PCDH11X: variants seen among roughly 807,000 people sequenced by gnomAD.
PCDH11X encodes the protein protocadherin 11 X-linked.
In PCDH11X, 18 loss-of-function variants were observed where a neutral mutation model predicts 53.3. The ratio of observed to expected loss-of-function variants is 0.34; its 90% CI spans 0.23 to 0.50. The LOEUF is 0.50. Ranked by LOEUF, PCDH11X falls within the 20% of genes least tolerant of loss-of-function variation. PCDH11X has a pLI of 0.98. For synonymous variants in PCDH11X, 279 were observed against 393.3 expected (o/e 0.71, Z 3.44); for missense variants, 570 against 1,032.4 (o/e 0.55, Z 6.14).
chrX:91,968,667 G>A (rs917719070), intron 6 of PCDH11X, among the ~76,000 whole-genome samples: 24 of 111,719 alleles, frequency 2.1e-4, no homozygotes, highest in Admixed American at 5.7e-4. Flanking sequence ...ATGACCTGAT[G>A]ACATGAAAAG....
chrX:92,522,150 A>G (rs2074379965), intron 10 of PCDH11X, among the ~76,000 whole-genome samples: 1 of 112,110 alleles, frequency 8.9e-6, no homozygotes, highest in Non-Finnish European at 1.9e-5. Context: ...CTTTTGGCTT[A>G]TCTTGGCTTT....
intron 6 of PCDH11X, among the ~76,000 whole-genome samples, chrX:91,898,186 A>G (rs1177049268): frequency 1.8e-5 from 2 of 109,559 alleles, no homozygotes; most frequent in Non-Finnish European, 3.8e-5. Flanking sequence ...AACTCATCTA[A>G]TCTTCTTATA....
intron 8 of PCDH11X, among the ~76,000 whole-genome samples, chrX:92,271,636 T>A (rs1188465750): frequency 8.9e-6 from 1 of 112,059 alleles, no homozygotes; most frequent in Non-Finnish European, 1.9e-5. Flanking sequence ...CTGTCATAGA[T>A]GAAGTGTGAA....
At chrX:92,093,946 T>C (rs761405287) in intron 6 of PCDH11X, among the ~76,000 whole-genome samples, 7 of 111,546 alleles carry the variant, frequency 6.3e-5, no homozygotes, top group Non-Finnish European at 1.1e-4. Context: ...TCTCATTTAA[T>C]TAGGTTATTA....
intron 4 of PCDH11X, among the ~76,000 whole-genome samples, chrX:91,830,704 A>T (rs1306886575): frequency 2.7e-5 from 3 of 111,314 alleles, no homozygotes; most frequent in Non-Finnish European, 5.6e-5. Flanking sequence ...TATGGCTGTT[A>T]AATGGTGTAT....
At chrX:92,526,589 C>A (rs4020606) in intron 10 of PCDH11X, among the ~76,000 whole-genome samples, 26,838 of 106,975 alleles carry the variant, frequency 0.25, 2,575 homozygotes, top group East Asian at 0.5. Context: ...GATATCCTCT[C>A]ACCCCAGTTA....
At chrX:92,497,417 ATT>A (rs368282010) in intron 10 of PCDH11X, among the ~76,000 whole-genome samples, 17 of 105,345 alleles carry the variant, frequency 1.6e-4, no homozygotes, top group Admixed American at 2.1e-4. Flanking sequence ...CTTTGTAAGA[ATT>A]TTTTTTTTTT....
intron 5 of PCDH11X, among the ~76,000 whole-genome samples, chrX:91,857,958 C>T (rs943781741): frequency 8.1e-5 from 9 of 111,475 alleles, no homozygotes; most frequent in African/African-American, 2.9e-4. Context: ...TTTGTGGAGG[C>T]TCCCACCCCA....
At chrX:91,931,377 T>C (rs2061382694) in intron 6 of PCDH11X, among the ~76,000 whole-genome samples, 1 of 111,064 alleles carries the variant, frequency 9.0e-6, no homozygotes, top group African/African-American at 3.3e-5. Context: ...TATGAGTAAT[T>C]GGTATTAACC....
chrX:91,800,147 T>G, intron 1 of PCDH11X, among the ~76,000 whole-genome samples: 1 of 110,642 alleles, frequency 9.0e-6, no homozygotes, highest in Non-Finnish European at 1.9e-5. Context: ...CTCCACTTTC[T>G]CTTTTCCTTC....
chrX:92,422,068 A>G (rs1183940394), intron 9 of PCDH11X, among the ~76,000 whole-genome samples: 1 of 109,898 alleles, frequency 9.1e-6, no homozygotes, highest in South Asian at 3.9e-4. Context: ...TACTTATTAG[A>G]CAGTGATTTT....
chrX:92,433,826 T>C (rs756962455), intron 9 of PCDH11X, among the ~76,000 whole-genome samples: 1 of 111,389 alleles, frequency 9.0e-6, no homozygotes, highest in Non-Finnish European at 1.9e-5. Flanking sequence ...TGTTGATATA[T>C]CAAGACTTAC....
intron 7 of PCDH11X, among the ~76,000 whole-genome samples, chrX:92,256,974 A>C (rs181095132): frequency 2.7e-5 from 3 of 111,437 alleles, no homozygotes; most frequent in Admixed American, 9.6e-5. Flanking sequence ...TTGCAATGCT[A>C]TAAAGAAATT....
chrX:92,567,267 T>C (rs1429664609), intron 10 of PCDH11X, among the ~76,000 whole-genome samples: 1 of 99,073 alleles, frequency 1.0e-5, no homozygotes, highest in Non-Finnish European at 2.1e-5. Flanking sequence ...GAGCAAGGGA[T>C]GTTTTTTCAT....
At chrX:92,484,223 ATG>A (rs1444347473) in intron 10 of PCDH11X, among the ~76,000 whole-genome samples, 17 of 94,295 alleles carry the variant, frequency 1.8e-4, no homozygotes, top group East Asian at 3.2e-4. Flanking sequence ...ATATGTATAT[ATG>A]TATATATGTA....
intron 6 of PCDH11X, among the ~76,000 whole-genome samples, chrX:92,111,918 G>A (rs1279140347): frequency 5.5e-5 from 6 of 109,096 alleles, no homozygotes; most frequent in East Asian, 2.9e-4. Context: ...CACCTCGCCC[G>A]GCTAATTTTT....
intron 1 of PCDH11X, among the ~76,000 whole-genome samples, chrX:91,792,839 G>A (rs1302129739): frequency 9.0e-6 from 1 of 110,724 alleles, no homozygotes; most frequent in Non-Finnish European, 1.9e-5. Flanking sequence ...GCAACTATTA[G>A]ATCGAAGCAA....
At chrX:92,299,348 G>C (rs1294669775) in intron 8 of PCDH11X, among the ~76,000 whole-genome samples, 1 of 111,049 alleles carries the variant, frequency 9.0e-6, no homozygotes, top group Admixed American at 9.6e-5. Context: ...TGTTAGGGAG[G>C]TCTGTGTTAG....
intron 8 of PCDH11X, among the ~76,000 whole-genome samples, chrX:92,310,440 G>T (rs914577012): frequency 9.0e-6 from 1 of 111,177 alleles, no homozygotes; most frequent in Non-Finnish European, 1.9e-5. Flanking sequence ...ATGGAGTTTT[G>T]CTCTGTTGCC....
Sources: gnomAD v4.1 joint callset for allele counts (sites outside exome capture counted in the v4.1 genomes callset) on GRCh38, gnomAD v4.1.1 for gene constraint, MANE v1.5 for transcripts, NCBI Gene and HGNC (gene_info 2026-07-23, HGNC 2026-07-21) for gene names.